The following WWOX variants were observed in gnomAD, a reference collection of about 807,000 sequenced individuals.
WWOX encodes the protein WW domain-containing oxidoreductase.
Under a neutral mutation model 46.2 loss-of-function variants are expected in WWOX, and 69 were observed. The ratio of observed to expected loss-of-function variants is 1.49; its 90% CI spans 1.23 to 1.82. WWOX has a LOEUF of 1.82. Among genes scored for constraint, WWOX ranks in the 40% most tolerant of loss-of-function variants. The pLI, the probability that WWOX is intolerant of heterozygous loss-of-function variation, is 0.00. For synonymous variants in WWOX, 359 were observed against 202.6 expected, an observed-to-expected ratio of 1.77 and a Z score of -6.56; for missense variants, 919 against 542.6, an observed-to-expected ratio of 1.69 and a Z score of -6.89.
chr16:78,352,062 G>C (rs11642433), intron 5 of WWOX, among the ~76,000 whole-genome samples: 58,566 of 152,090 alleles, frequency 0.39, 12,464 homozygotes, highest in Non-Finnish European at 0.49. Context: ...AGTAGAGAGT[G>C]GTGGAGATGG....
intron 8 of WWOX, among the ~76,000 whole-genome samples, chr16:78,908,366 C>T (rs1341672135): frequency 6.6e-6 from 1 of 151,918 alleles, no homozygotes; most frequent in Non-Finnish European, 1.5e-5. Context: ...GTGGTGAAAC[C>T]CCATCCCTAC....
At chr16:78,463,713 T>C (rs2084007331) in intron 8 of WWOX, among the ~76,000 whole-genome samples, 1 of 152,250 alleles carries the variant, frequency 6.6e-6, no homozygotes, top group African/African-American at 2.4e-5. Context: ...GCTCTCACTC[T>C]GCTCCATAAA....
intron 4 of WWOX, among the ~76,000 whole-genome samples, chr16:78,130,846 C>G (rs1319586729): frequency 2.0e-5 from 3 of 152,240 alleles, no homozygotes; most frequent in Non-Finnish European, 4.4e-5. Context: ...AAAATGCAGT[C>G]AGCTTCACTG....
chr16:78,404,452 C>A (rs1011947368), intron 6 of WWOX, among the ~76,000 whole-genome samples: 2 of 152,002 alleles, frequency 1.3e-5, no homozygotes, highest in East Asian at 1.9e-4. Flanking sequence ...CAGAAAGAAC[C>A]AATTCCCTCT....
At chr16:78,549,796 G>C (rs557730751) in intron 8 of WWOX, among the ~76,000 whole-genome samples, 1 of 152,152 alleles carries the variant, frequency 6.6e-6, no homozygotes, top group Non-Finnish European at 1.5e-5. Flanking sequence ...GATGATCTGA[G>C]ATATCCAAAT....
chr16:79,133,851 A>C (rs1597404430), intron 8 of WWOX, among the ~76,000 whole-genome samples: 1 of 152,216 alleles, frequency 6.6e-6, no homozygotes, highest in East Asian at 1.9e-4. Flanking sequence ...GTTTTTTTCA[A>C]AGGCTTGGCA....
intron 5 of WWOX, among the ~76,000 whole-genome samples, chr16:78,213,540 G>A (rs1019895482): frequency 4.6e-5 from 7 of 151,776 alleles, no homozygotes; most frequent in African/African-American, 1.5e-4. Flanking sequence ...AATGCGAATG[G>A]CATCTATTTT....
intron 8 of WWOX, among the ~76,000 whole-genome samples, chr16:79,124,208 A>T (rs1351339248): frequency 6.6e-6 from 1 of 152,088 alleles, no homozygotes; most frequent in Admixed American, 6.6e-5. Flanking sequence ...CAAACTCCAC[A>T]ATCAGTAATT....
intron 8 of WWOX, among the ~76,000 whole-genome samples, chr16:78,970,612 G>C (rs964208894): frequency 1.3e-5 from 2 of 152,198 alleles, no homozygotes; most frequent in South Asian, 4.1e-4. Context: ...TATGAGGAAA[G>C]TCAGAGAGCT....
At chr16:79,011,451 A>AT (rs1481235678) in intron 8 of WWOX, among the ~76,000 whole-genome samples, 24 of 143,904 alleles carry the variant, frequency 1.7e-4, no homozygotes, top group South Asian at 2.2e-4. Flanking sequence ...TCCTTTTTTT[A>AT]TTTTTTATTT....
chr16:78,400,302 G>C (rs1050968803), intron 6 of WWOX, among the ~76,000 whole-genome samples: 1 of 152,122 alleles, frequency 6.6e-6, no homozygotes, highest in African/African-American at 2.4e-5. Flanking sequence ...TTGGGAAATG[G>C]GTCTTAATGG....
At chr16:78,660,704 T>C (rs1032705320) in intron 8 of WWOX, among the ~76,000 whole-genome samples, 1 of 152,176 alleles carries the variant, frequency 6.6e-6, no homozygotes, top group Non-Finnish European at 1.5e-5. Context: ...TTTCTTTCAT[T>C]CCCAGACCTC....
intron 8 of WWOX, among the ~76,000 whole-genome samples, chr16:78,633,343 G>C (rs919695118): frequency 1.3e-5 from 2 of 152,154 alleles, no homozygotes; most frequent in African/African-American, 4.8e-5. Context: ...ACTAGGTCGG[G>C]ACAGGGCAGG....
chr16:79,133,692 T>C (rs1040050446), intron 8 of WWOX, among the ~76,000 whole-genome samples: 4 of 152,210 alleles, frequency 2.6e-5, no homozygotes, highest in African/African-American at 9.6e-5. Context: ...TTGTATATTG[T>C]ATCAGTAATT....
At chr16:78,591,761 T>C (rs749689329) in intron 8 of WWOX, among the ~76,000 whole-genome samples, 3 of 152,190 alleles carry the variant, frequency 2.0e-5, no homozygotes, top group Non-Finnish European at 4.4e-5. Context: ...GAGGCTGGAC[T>C]GCTTCACTGG....
intron 1 of WWOX, 167 bp downstream of exon 1, chr16:78,100,052 G>C: frequency 7.1e-7 from 1 of 1,412,698 alleles, no homozygotes; most frequent in Non-Finnish European, 9.2e-7. Context: ...AGTAGGGGCC[G>C]GCCCCCTTGG....
chr16:78,238,168 T>G (rs938552930), intron 5 of WWOX: 1 of 152,176 alleles, frequency 6.6e-6, no homozygotes, highest in Non-Finnish European at 1.5e-5. Flanking sequence ...CCTTTTTTGT[T>G]ATTCCAAAAC....
chr16:78,418,832 A>G (rs8055988), intron 6 of WWOX, among the ~76,000 whole-genome samples: 2,050 of 152,286 alleles, frequency 0.013, 40 homozygotes, highest in East Asian at 0.063. Flanking sequence ...CCCACAAATG[A>G]CATCATAATT....
chr16:78,786,268 G>A (rs1463736712), intron 8 of WWOX, among the ~76,000 whole-genome samples: 1 of 152,180 alleles, frequency 6.6e-6, no homozygotes. Context: ...AGCAATAAAT[G>A]ACACCTGGAT....
Sources: allele counts gnomAD v4.1 joint callset (sites outside exome capture counted in the v4.1 genomes callset), GRCh38; gene constraint gnomAD v4.1.1; transcripts MANE v1.5; gene names NCBI Gene and HGNC (gene_info 2026-07-23, HGNC 2026-07-21).